The following UBQLN1 variants were observed in gnomAD, a reference collection of about 807,000 sequenced individuals.
UBQLN1 encodes ubiquilin-1.
Under a neutral mutation model 65.4 loss-of-function variants are expected in UBQLN1, and 13 were observed. That is an observed-to-expected ratio of 0.20 (90% CI 0.13 to 0.32). The LOEUF is 0.32. Among genes scored for constraint, UBQLN1 ranks in the 10% least tolerant of loss-of-function variants. The pLI is 1.00. For missense variants in UBQLN1, 561 were observed against 724.0 expected (o/e 0.77, Z 2.58); for synonymous variants, 267 against 247.8 (o/e 1.08, Z -0.73).
At chr9:83,681,787 T>C (rs1455704940) in intron 3 of UBQLN1, among the ~76,000 whole-genome samples, 3 of 152,216 alleles carry the variant, frequency 2.0e-5, no homozygotes, top group Non-Finnish European at 4.4e-5. Context: ...CAAGAAATGA[T>C]ATATGCCACT....
chr9:83,667,570 C>A, intron 7 of UBQLN1: 7 of 985,418 alleles, frequency 7.1e-6, no homozygotes, highest in Non-Finnish European at 8.4e-6. Flanking sequence ...TAAACTCATA[C>A]AGGCTTAAGG....
intron 3 of UBQLN1, among the ~76,000 whole-genome samples, chr9:83,680,953 T>TG (rs1401379762): frequency 1.3e-5 from 2 of 152,218 alleles, no homozygotes; most frequent in Non-Finnish European, 2.9e-5. Flanking sequence ...AGCTGAATCT[T>TG]GGACACAGAG....
chr9:83,704,432 T>A (rs1335726166), intron 1 of UBQLN1, among the ~76,000 whole-genome samples: 2 of 152,236 alleles, frequency 1.3e-5, no homozygotes, highest in Non-Finnish European at 1.5e-5. Flanking sequence ...TCAATTTTTA[T>A]CACATTTTCT....
At position 83,669,189 on chromosome 9, in the gene UBQLN1, G is replaced by A; in HGVS notation, c.1244C>T (p.Ala415Val). ...QSLSQNPDLA[A>V]QMMLNNPLFA... ...TCAATACAATTACAAACTCACCTGT[G>A]CAGCAAGGTCAGGATTCTGGCTTAG... The change falls in exon 7 of 11, where the codon GCA becomes GTA. Residue 415 changes from alanine (A) to valine (V), a missense_variant. Physicochemically the swap from Ala to Val is moderately conservative, Grantham distance 64 (BLOSUM62 0). Coordinates refer to ENST00000376395, the MANE Select transcript of UBQLN1 (RefSeq NM_013438.5). The A allele has an allele frequency of 6.2e-7, 1 of 1,607,916 alleles. No homozygotes were observed. Among genetic ancestry groups the A allele is most frequent in the Non-Finnish European group, 8.5e-7 (1 of 1,178,774 alleles).
At chr9:83,691,198 CAT>C (rs10580448) in intron 1 of UBQLN1, among the ~76,000 whole-genome samples, 53,434 of 149,904 alleles carry the variant, frequency 0.36, 10,961 homozygotes, top group East Asian at 0.85. Context: ...ACATATAATA[CAT>C]ATATATATAT....
At chr9:83,695,594 G>A (rs1373567776) in intron 1 of UBQLN1, among the ~76,000 whole-genome samples, 1 of 147,170 alleles carries the variant, frequency 6.8e-6, no homozygotes, top group Non-Finnish European at 1.5e-5. Flanking sequence ...TATCCTTTAA[G>A]AAAACTGGAG....
chr9:83,705,509 C>G (rs1274478077), intron 1 of UBQLN1, among the ~76,000 whole-genome samples: 1 of 152,252 alleles, frequency 6.6e-6, no homozygotes, highest in East Asian at 1.9e-4. Context: ...TCACAAAGTG[C>G]TGGGATTACA....
chr9:83,674,208 T>C (rs1040957995), intron 6 of UBQLN1, among the ~76,000 whole-genome samples: 3 of 151,346 alleles, frequency 2.0e-5, no homozygotes, highest in African/African-American at 7.3e-5. Flanking sequence ...ATAACCAGTA[T>C]ATACCAATCA....
chr9:83,702,271 T>C (rs1832321679), intron 1 of UBQLN1, among the ~76,000 whole-genome samples: 1 of 152,206 alleles, frequency 6.6e-6, no homozygotes, highest in Admixed American at 6.5e-5. Context: ...GACTTTAAAA[T>C]GGTGAACTGT....
chr9:83,678,353 C>T (rs925702846), intron 5 of UBQLN1, 88 bp downstream of exon 5: 2 of 1,457,782 alleles, frequency 1.4e-6, no homozygotes, highest in African/African-American at 2.9e-5. Context: ...AACCACATTC[C>T]TCATATAAAA....
chr9:83,700,290 T>TG (rs1017784430), intron 1 of UBQLN1, among the ~76,000 whole-genome samples: 19 of 152,188 alleles, frequency 1.2e-4, no homozygotes, highest in African/African-American at 4.3e-4. Flanking sequence ...AGTGGTGACC[T>TG]GGGGGGAACA....
intron 1 of UBQLN1, among the ~76,000 whole-genome samples, chr9:83,691,559 T>C (rs566137244): frequency 2.0e-5 from 3 of 152,324 alleles, no homozygotes; most frequent in Admixed American, 6.5e-5. Context: ...CTAGATGCAG[T>C]AGAGTAGGAC....
chr9:83,684,376 G>A (rs913932537), intron 2 of UBQLN1, among the ~76,000 whole-genome samples: 4 of 151,754 alleles, frequency 2.6e-5, no homozygotes, highest in Non-Finnish European at 5.9e-5. Context: ...TGTATTTTTA[G>A]TAGAGACAGC....
intron 6 of UBQLN1, among the ~76,000 whole-genome samples, chr9:83,676,158 T>C (rs1831828510): frequency 6.6e-6 from 1 of 152,360 alleles, no homozygotes; most frequent in African/African-American, 2.4e-5. Context: ...TGTGCATATA[T>C]GTATGCATCA....
intron 1 of UBQLN1, among the ~76,000 whole-genome samples, chr9:83,706,846 A>T (rs1011331116): frequency 1.3e-5 from 2 of 152,244 alleles, no homozygotes; most frequent in Non-Finnish European, 2.9e-5. Context: ...ACTAAAAGGG[A>T]AAGAGCAAGT....
intron 4 of UBQLN1, 75 bp downstream of exon 4, chr9:83,679,700 C>G (rs1283203207): frequency 1.3e-6 from 2 of 1,498,108 alleles, no homozygotes; most frequent in East Asian, 4.5e-5. Flanking sequence ...ACAGGACAAT[C>G]TCATTAACCA....
rs140097122 is a variant in UBQLN1, at chr9:83,707,571, T to C, written c.109A>G (p.Met37Val). The change falls in exon 1 of 11, where the codon ATG (methionine) becomes GTG (valine). Residue 37 changes from methionine to valine, a missense_variant. Coordinates refer to ENST00000376395, the MANE Select transcript of UBQLN1 (RefSeq NM_013438.5). ...TTCGGGGTCTTCACGGTGACTTTCA[T>C]GATTTTGGGCTCCGCGGAGGCAGCG... ...AAAASAEPKI[M>V]KVTVKTPKEK... The C allele has an allele frequency of 9.1e-5, 147 of 1,609,484 alleles. No homozygotes were observed. In the African/African-American group the frequency reaches 1.8e-3, roughly 19 times the overall value.
intron 1 of UBQLN1, among the ~76,000 whole-genome samples, chr9:83,699,747 CAA>C (rs199675570): frequency 0.012 from 1,870 of 152,262 alleles, 36 homozygotes; most frequent in African/African-American, 0.039. Flanking sequence ...CCAGGGTAAG[CAA>C]ACTTTCTGTT....
intron 9 of UBQLN1, among the ~76,000 whole-genome samples, chr9:83,664,689 C>T (rs1831614305): frequency 1.3e-5 from 2 of 151,892 alleles, no homozygotes; most frequent in South Asian, 4.2e-4. Context: ...TCTCTTGAGC[C>T]CAGAAGTTTG....
Sources: gnomAD v4.1 joint callset for allele counts (sites outside exome capture counted in the v4.1 genomes callset) on GRCh38, gnomAD v4.1.1 for gene constraint, MANE v1.5 for transcripts, NCBI Gene and HGNC (gene_info 2026-07-23, HGNC 2026-07-21) for gene names.